EYS: variants seen among roughly 807,000 people sequenced by gnomAD.
EYS encodes the protein protein eyes shut homolog.
Under a neutral mutation model 282.1 loss-of-function variants are expected in EYS, and 250 were observed. The observed-to-expected ratio is 0.89, with a 90% CI of 0.80 to 0.98. The LOEUF is 0.98. EYS is among the 50% of genes least tolerant of loss of function. The probability of loss-of-function intolerance (pLI) is 0.00; values close to 1 mark genes in which losing one functional copy is unlikely to be tolerated. For synonymous variants in EYS, 1,355 were observed against 1,282.9 expected (o/e 1.06, Z -1.20); for missense variants, 4,016 against 3,709.0 (o/e 1.08, Z -2.15).
chr6:64,552,703 A>G (rs955244695), intron 26 of EYS, among the ~76,000 whole-genome samples: 4 of 152,018 alleles, frequency 2.6e-5, no homozygotes, highest in Admixed American at 2.6e-4. Context: ...TCATGAGGTC[A>G]GGAGTTTGAG....
At chr6:63,895,440 G>A (rs150908566) in intron 35 of EYS, among the ~76,000 whole-genome samples, 2,628 of 152,210 alleles carry the variant, frequency 0.017, 70 homozygotes, top group African/African-American at 0.058. Context: ...AATTATCACA[G>A]CTAGTTAGCA....
At chr6:64,949,775 T>A (rs939236188) in intron 14 of EYS, among the ~76,000 whole-genome samples, 1 of 151,914 alleles carries the variant, frequency 6.6e-6, no homozygotes, top group Non-Finnish European at 1.5e-5. Context: ...TATCTACTAA[T>A]CTACTTAATC....
chr6:65,296,408 G>T (rs1319234879), intron 11 of EYS, among the ~76,000 whole-genome samples: 1 of 151,720 alleles, frequency 6.6e-6, no homozygotes, highest in Admixed American at 6.6e-5. Flanking sequence ...CATGAACTCT[G>T]CCTATGCTAA....
intron 28 of EYS, among the ~76,000 whole-genome samples, chr6:64,399,163 AAT>A (rs1773471024): frequency 6.6e-6 from 1 of 151,766 alleles, no homozygotes; most frequent in South Asian, 2.1e-4. Context: ...TAAGATATCA[AAT>A]ATATTTATTT....
intron 41 of EYS, among the ~76,000 whole-genome samples, chr6:63,761,475 A>G (rs1248663190): frequency 1.3e-5 from 2 of 152,068 alleles, no homozygotes; most frequent in African/African-American, 4.8e-5. Flanking sequence ...GGACAGTTAA[A>G]CCTAAGTAGA....
chr6:64,582,237 C>T (rs1401671519), intron 26 of EYS, among the ~76,000 whole-genome samples: 1 of 152,136 alleles, frequency 6.6e-6, no homozygotes. Flanking sequence ...AACTGGGCTG[C>T]ATAGCAGGAG....
chr6:64,615,786 T>C (rs917674284), intron 24 of EYS, among the ~76,000 whole-genome samples: 9 of 152,132 alleles, frequency 5.9e-5, no homozygotes, highest in African/African-American at 2.2e-4. Flanking sequence ...TTTCAAGTAC[T>C]TAGAGAATGG....
intron 28 of EYS, among the ~76,000 whole-genome samples, chr6:64,399,646 T>G (rs1281915848): frequency 6.6e-6 from 1 of 151,958 alleles, no homozygotes; most frequent in Non-Finnish European, 1.5e-5. Context: ...TACCTGTTCA[T>G]CTAAAACCTA....
chr6:64,149,547 C>T (rs76300479), intron 31 of EYS, among the ~76,000 whole-genome samples: 3,782 of 152,222 alleles, frequency 0.025, 146 homozygotes, highest in African/African-American at 0.086. Flanking sequence ...AATAAAGATG[C>T]CAAATAGCAG....
chr6:64,911,953 G>A (rs1200322574), intron 16 of EYS, among the ~76,000 whole-genome samples: 3 of 152,126 alleles, frequency 2.0e-5, no homozygotes, highest in Non-Finnish European at 2.9e-5. Flanking sequence ...GGATCCAGGA[G>A]CTCCAATAGT....
intron 26 of EYS, among the ~76,000 whole-genome samples, chr6:64,474,573 T>G (rs1776208824): frequency 6.6e-6 from 1 of 152,186 alleles, no homozygotes; most frequent in Non-Finnish European, 1.5e-5. Context: ...AGATCATAAC[T>G]TTTCACTTCC....
At chr6:64,321,155 C>T (rs114820825) in intron 29 of EYS, among the ~76,000 whole-genome samples, 163 of 151,696 alleles carry the variant, frequency 1.1e-3, no homozygotes, top group African/African-American at 3.7e-3. Flanking sequence ...TCAATGATTG[C>T]CCAACTTTAC....
chr6:64,632,284 T>C (rs887047620), intron 22 of EYS, among the ~76,000 whole-genome samples: 10 of 136,604 alleles, frequency 7.3e-5, no homozygotes, highest in African/African-American at 2.7e-4. Context: ...CACAACTACA[T>C]ATAACTTATT....
rs75861050 is a variant in EYS, at chr6:65,108,337, G to A, written c.2024-50610C>T. On this transcript the variant is annotated intron_variant, in intron 12 of 42. Transcript: ENST00000503581. ...TTTGAGACAGGAGCTCACTCCACTC[G>A]CTCAGGCTGGAGTGCAGTGGCTTGA... Among the ~76,000 whole-genome samples the A allele has an allele frequency of 2.8e-3, 429 of 152,066 alleles. 6 individuals are homozygous for A. Among genetic ancestry groups the A allele is most frequent in the Middle Eastern group, 0.01 (3 of 294 alleles).
intron 35 of EYS, among the ~76,000 whole-genome samples, chr6:63,905,998 C>T (rs1773771465): frequency 6.6e-6 from 1 of 152,164 alleles, no homozygotes; most frequent in Non-Finnish European, 1.5e-5. Context: ...ATCCCTGAAG[C>T]TCATTTGAAT....
intron 30 of EYS, among the ~76,000 whole-genome samples, chr6:64,237,708 C>G (rs1766658518): frequency 6.6e-6 from 1 of 152,146 alleles, no homozygotes; most frequent in Non-Finnish European, 1.5e-5. Context: ...TGCCAGCATT[C>G]TCAGCTAGTT....
rs564053865 is a variant in EYS, at chr6:64,777,890, G to C, written c.3443+35488C>G. On this transcript the variant is annotated intron_variant, in intron 22 of 42. Transcript: ENST00000503581. ...GTTGTGTACATATTCAATTCCAGTA[G>C]ATAATATTACAGTATCATAGATATA... Among the ~76,000 whole-genome samples the C allele has an allele frequency of 6.6e-5, 10 of 152,158 alleles. No homozygotes were observed. The South Asian group carries it at 1.9e-3, about 28-fold the overall frequency.
intron 12 of EYS, among the ~76,000 whole-genome samples, chr6:65,069,362 C>T (rs1219749390): frequency 2.6e-5 from 4 of 152,026 alleles, no homozygotes; most frequent in Admixed American, 2.0e-4. Flanking sequence ...TTCTCCATTT[C>T]CTTAAGTCAA....
Position 64,709,408 on chromosome 6 carries a change from A to G in EYS, c.3444-83163T>C, listed in dbSNP as rs1252862623. 2.6e-5 allele frequency among the ~76,000 whole-genome samples: 4 copies of G among 152,250 alleles called. No homozygotes were observed. The East Asian group carries it at 5.8e-4, about 22-fold the overall frequency. The stretch of plus-strand genomic sequence containing the variant: ...ATTTTTCTATATCCAGTTAGATGAC[A>G]TTACACCTTCTTTATATAAATATTT... On this transcript the variant is annotated intron_variant, in intron 22 of 42. Coordinates refer to ENST00000503581, the MANE Select transcript of EYS (RefSeq NM_001142800.2).
Sources: allele counts gnomAD v4.1 joint callset (sites outside exome capture counted in the v4.1 genomes callset), GRCh38; gene constraint gnomAD v4.1.1; transcripts MANE v1.5; gene names NCBI Gene and HGNC (gene_info 2026-07-23, HGNC 2026-07-21).